Variants in E2F3 observed in about 807,000 individuals in gnomAD.
The protein encoded by E2F3 is transcription factor E2F3.
In E2F3, 11 loss-of-function variants were observed where a neutral mutation model predicts 44.4. The observed-to-expected ratio is 0.25, with a 90% CI of 0.16 to 0.41. The LOEUF (loss-of-function observed/expected upper bound fraction) is 0.41, where lower values mean the gene tolerates loss of function less well. Ranked by LOEUF, E2F3 falls within the 10% of genes least tolerant of loss-of-function variation. E2F3 has a pLI of 1.00. For missense variants in E2F3, 487 were observed against 583.6 expected (o/e 0.83, Z 1.70); for synonymous variants, 249 against 253.0 (o/e 0.98, Z 0.15).
At chr6:20,484,859 A>C (rs761898471) in intron 4 of E2F3, among the ~76,000 whole-genome samples, 65 of 151,706 alleles carry the variant, frequency 4.3e-4, no homozygotes, top group Non-Finnish European at 8.0e-4. Flanking sequence ...AGGCTGAGGC[A>C]GGAGAATCAC....
At position 20,402,956 on chromosome 6, in the gene E2F3, T is replaced by A. The variant is rs563319150; in HGVS notation, c.393+331T>A. ...CCTTCCCCTCCAACTCGAAGCTTCCTCTTTCTCGGGCGTAGGAAGGGGTCA... is the reference window on the plus strand; with the variant it reads ...CCTTCCCCTCCAACTCGAAGCTTCCACTTTCTCGGGCGTAGGAAGGGGTCA... On this transcript the variant is annotated intron_variant, in intron 1 of 6. Coordinates refer to ENST00000346618, the MANE Select transcript of E2F3 (RefSeq NM_001949.5). This position sits in a 1 kb window ranked among gnomAD's most constrained non-coding sequence, Gnocchi z 5.6. 6.6e-6 allele frequency among the ~76,000 whole-genome samples: 1 copy of A among 151,790 alleles called. No individual in the cohort carries two copies. The highest frequency in any genetic ancestry group is 2.0e-4 in the East Asian group (1 of 5,124).
chr6:20,450,511 G>C (rs1418485958), intron 1 of E2F3, among the ~76,000 whole-genome samples: 1 of 151,994 alleles, frequency 6.6e-6, no homozygotes, highest in African/African-American at 2.4e-5. Flanking sequence ...GTTTCTTACC[G>C]ATGCTGGATA....
At chr6:20,460,628 C>A (rs959288935) in intron 1 of E2F3, among the ~76,000 whole-genome samples, 1 of 152,104 alleles carries the variant, frequency 6.6e-6, no homozygotes, top group Non-Finnish European at 1.5e-5. Context: ...TTATACATGC[C>A]TTCCTGTGCA....
chr6:20,446,516 CT>C (rs1330509425), intron 1 of E2F3, among the ~76,000 whole-genome samples: 1 of 152,202 alleles, frequency 6.6e-6, no homozygotes, highest in Non-Finnish European at 1.5e-5. Context: ...TAAAATGCCT[CT>C]TTCTGGACCA....
chr6:20,427,807 T>C (rs1253993360), intron 1 of E2F3, among the ~76,000 whole-genome samples: 1 of 152,222 alleles, frequency 6.6e-6, no homozygotes. Context: ...TGATATTTAC[T>C]ATTTACATTT....
chr6:20,468,181 A>G (rs763267772), intron 1 of E2F3, among the ~76,000 whole-genome samples: 15 of 152,200 alleles, frequency 9.9e-5, no homozygotes, highest in Non-Finnish European at 2.1e-4. Context: ...TTCTGACACC[A>G]TCTACCCAGA....
chr6:20,414,856 C>T (rs1179268670), intron 1 of E2F3, among the ~76,000 whole-genome samples: 3 of 152,140 alleles, frequency 2.0e-5, no homozygotes, highest in African/African-American at 7.2e-5. Context: ...CTTGAAGATC[C>T]GGCTCCAGAA....
rs1232992886 is a variant in E2F3, at chr6:20,488,223, G to A, written c.1110G>A (p.Gly370=). ...AAACAAACAACCAAGACCACAATGGGAATATCCCTAAACCCGCTTCCAAAG... is the reference window on the plus strand; with the variant it reads ...AAACAAACAACCAAGACCACAATGGAAATATCCCTAAACCCGCTTCCAAAG... ...PMKTNNQDHN[G]NIPKPASKDL... is the part of the protein sequence containing the mutation. The change falls in exon 6 of 7, where the codon GGG becomes GGA. Residue 370 remains glycine (G), a synonymous_variant. Coordinates refer to ENST00000346618, the MANE Select transcript of E2F3 (RefSeq NM_001949.5). The A allele has an allele frequency of 6.2e-7, 1 of 1,605,226 alleles. No individual in the cohort carries two copies. Among genetic ancestry groups the A allele is most frequent in the Non-Finnish European group, 8.5e-7 (1 of 1,178,004 alleles).
At chr6:20,417,001 GAT>G (rs1759869109) in intron 1 of E2F3, among the ~76,000 whole-genome samples, 1 of 152,114 alleles carries the variant, frequency 6.6e-6, no homozygotes, top group Non-Finnish European at 1.5e-5. Flanking sequence ...TTCCTTGCCT[GAT>G]ATACAAGGAA....
intron 1 of E2F3, among the ~76,000 whole-genome samples, chr6:20,478,043 AT>A (rs1236311605): frequency 6.7e-6 from 1 of 149,410 alleles, no homozygotes; most frequent in East Asian, 2.0e-4. Flanking sequence ...AAAAAAAAAA[AT>A]TTAAATTAGC....
intron 1 of E2F3, among the ~76,000 whole-genome samples, chr6:20,405,651 C>T (rs760725716): frequency 3.3e-5 from 5 of 152,002 alleles, no homozygotes; most frequent in Non-Finnish European, 7.4e-5. Flanking sequence ...GGTGAAACCC[C>T]GTCTCTACTA....
intron 1 of E2F3, among the ~76,000 whole-genome samples, chr6:20,405,915 G>A (rs1414627287): frequency 1.3e-5 from 2 of 152,130 alleles, no homozygotes; most frequent in African/African-American, 2.4e-5. Context: ...TTGATTTATT[G>A]TTTTTCTTAT....
chr6:20,449,269 C>T (rs1761048496), intron 1 of E2F3, among the ~76,000 whole-genome samples: 1 of 152,186 alleles, frequency 6.6e-6, no homozygotes, highest in Admixed American at 6.5e-5. Context: ...TTCCCATCTA[C>T]TCTGCCTGCC....
At chr6:20,451,121 G>C (rs1761117362) in intron 1 of E2F3, among the ~76,000 whole-genome samples, 1 of 152,076 alleles carries the variant, frequency 6.6e-6, no homozygotes, top group Non-Finnish European at 1.5e-5. Flanking sequence ...CTCTTTTTTG[G>C]TTCCATATGA....
intron 1 of E2F3, among the ~76,000 whole-genome samples, chr6:20,466,137 G>C (rs976407819): frequency 1.3e-5 from 2 of 152,046 alleles, no homozygotes; most frequent in Non-Finnish European, 2.9e-5. Flanking sequence ...GGTGTGGGCA[G>C]AGTCTCGCTC....
Position 20,402,764 on chromosome 6 carries a change from A to T in E2F3, c.393+139A>T. ...GGCCTCGGGGGCTGCCCCTCCAACGAGGGTTCATTGTTAGACCTGAGTGCT... is the reference window on the plus strand; with the variant it reads ...GGCCTCGGGGGCTGCCCCTCCAACGTGGGTTCATTGTTAGACCTGAGTGCT... On this transcript the variant is annotated intron_variant, in intron 1 of 6. Coordinates refer to ENST00000346618, the MANE Select transcript of E2F3 (RefSeq NM_001949.5). This position sits in a 1 kb window ranked among gnomAD's most constrained non-coding sequence, Gnocchi z 5.6. The T allele has an allele frequency of 8.0e-7, 1 of 1,244,540 alleles. No homozygotes were observed. The highest frequency in any genetic ancestry group is 1.0e-6 in the Non-Finnish European group (1 of 995,476). 77.1% of individuals were successfully genotyped at this position (1,244,540 alleles called of 1,614,324 possible).
intron 1 of E2F3, among the ~76,000 whole-genome samples, chr6:20,423,263 T>C (rs1278184640): frequency 6.6e-6 from 1 of 152,218 alleles, no homozygotes; most frequent in Non-Finnish European, 1.5e-5. Flanking sequence ...CAAGGTTCTA[T>C]GGTCTAGCCT....
At chr6:20,461,360 G>C (rs1207491049) in intron 1 of E2F3, among the ~76,000 whole-genome samples, 1 of 152,088 alleles carries the variant, frequency 6.6e-6, no homozygotes. Flanking sequence ...CAGTTGTGGT[G>C]GTGGGCACCT....
chr6:20,471,318 C>G (rs547976615), intron 1 of E2F3, among the ~76,000 whole-genome samples: 1 of 152,186 alleles, frequency 6.6e-6, no homozygotes, highest in African/African-American at 2.4e-5. Context: ...CACGGTGGCT[C>G]ACACCTGTAA....
Sources: allele counts gnomAD v4.1 joint callset (sites outside exome capture counted in the v4.1 genomes callset), GRCh38; gene constraint gnomAD v4.1.1; non-coding constraint Gnocchi (gnomAD v3.1); transcripts MANE v1.5; gene names NCBI Gene and HGNC (gene_info 2026-07-23, HGNC 2026-07-21).